Variants in MBD5 observed in about 807,000 individuals in gnomAD.
MBD5 encodes methyl-CpG-binding domain protein 5.
Under a neutral mutation model 117.3 loss-of-function variants are expected in MBD5, and 13 were observed. That is an observed-to-expected ratio of 0.11 (90% CI 0.07 to 0.18). The LOEUF is 0.18. MBD5 is among the 10% of genes least tolerant of loss of function. The probability of loss-of-function intolerance (pLI) is 1.00; values close to 1 mark genes in which losing one functional copy is unlikely to be tolerated. For missense variants in MBD5, 1,879 were observed against 2,093.8 expected, an observed-to-expected ratio of 0.90 and a Z score of 2.00; for synonymous variants, 727 against 766.4, an observed-to-expected ratio of 0.95 and a Z score of 0.85.
intron 4 of MBD5, among the ~76,000 whole-genome samples, chr2:148,396,824 C>A (rs1704729900): frequency 6.6e-6 from 1 of 152,080 alleles, no homozygotes; most frequent in South Asian, 2.1e-4. Flanking sequence ...CAGGAAGTGC[C>A]CTTTTCTGAC....
At chr2:148,272,535 T>C (rs1321918212) in intron 3 of MBD5, among the ~76,000 whole-genome samples, 1 of 152,214 alleles carries the variant, frequency 6.6e-6, no homozygotes, top group Non-Finnish European at 1.5e-5. Flanking sequence ...CGATGATTAG[T>C]GATGTTGAGC....
chr2:148,475,391 G>T (rs1218345239), intron 8 of MBD5, among the ~76,000 whole-genome samples: 1 of 151,874 alleles, frequency 6.6e-6, no homozygotes, highest in Admixed American at 6.6e-5. Flanking sequence ...GTTTAAGAAG[G>T]TCTCCTAATA....
At chr2:148,473,516 T>C (rs896111262) in intron 8 of MBD5, among the ~76,000 whole-genome samples, 10 of 152,144 alleles carry the variant, frequency 6.6e-5, no homozygotes, top group African/African-American at 2.2e-4. Flanking sequence ...TTTCCACTCT[T>C]CTAAGTAAAA....
chr2:148,180,560 T>A (rs1031563502), intron 2 of MBD5, among the ~76,000 whole-genome samples: 2 of 151,784 alleles, frequency 1.3e-5, no homozygotes, highest in African/African-American at 4.8e-5. Context: ...AGGCAGGGTC[T>A]TATTCTGTTG....
intron 2 of MBD5, among the ~76,000 whole-genome samples, chr2:148,188,682 CAAAA>C (rs34805724): frequency 4.2e-4 from 44 of 104,732 alleles, no homozygotes; most frequent in East Asian, 1.2e-3. Flanking sequence ...GACCCTGTCT[CAAAA>C]AAAAAAAAAA....
At chr2:148,503,112 T>G (rs913338103) in intron 12 of MBD5, 1 of 159,124 alleles carries the variant, frequency 6.3e-6, no homozygotes, top group African/African-American at 2.4e-5. Context: ...GTTTTTACTG[T>G]GATACAATGT....
intron 3 of MBD5, among the ~76,000 whole-genome samples, chr2:148,261,477 T>C (rs1438297808): frequency 6.6e-6 from 1 of 152,210 alleles, no homozygotes; most frequent in African/African-American, 2.4e-5. Context: ...CTTGCGTTAC[T>C]AGGGTCATAC....
chr2:148,347,231 T>G (rs1703144399), intron 4 of MBD5: 1 of 151,956 alleles, frequency 6.6e-6, no homozygotes, highest in African/African-American at 2.4e-5. Context: ...AAAAATTAAC[T>G]GGGCATGGTG....
chr2:148,197,611 A>G (rs549702846), intron 2 of MBD5, among the ~76,000 whole-genome samples: 1 of 152,198 alleles, frequency 6.6e-6, no homozygotes, highest in South Asian at 2.1e-4. Flanking sequence ...ACCCTTCTCC[A>G]TATTCATTAT....
chr2:148,421,372 A>G (rs1210763563), intron 4 of MBD5, among the ~76,000 whole-genome samples: 1 of 152,120 alleles, frequency 6.6e-6, no homozygotes, highest in African/African-American at 2.4e-5. Flanking sequence ...GGGCTGTGCC[A>G]TGAGGAACAG....
intron 11 of MBD5, among the ~76,000 whole-genome samples, chr2:148,501,717 A>G (rs1681877501): frequency 1.3e-5 from 2 of 152,148 alleles, no homozygotes; most frequent in Non-Finnish European, 1.5e-5. Context: ...CTCTGTTGAC[A>G]TAGCTGACCA....
chr2:148,379,592 A>C (rs1438979690), intron 4 of MBD5, among the ~76,000 whole-genome samples: 1 of 152,174 alleles, frequency 6.6e-6, no homozygotes, highest in African/African-American at 2.4e-5. Context: ...GAGTGAAAAA[A>C]TTGGCAAATG....
At chr2:148,112,391 T>G (rs1696522578) in intron 1 of MBD5, among the ~76,000 whole-genome samples, 1 of 152,210 alleles carries the variant, frequency 6.6e-6, no homozygotes, top group Admixed American at 6.5e-5. Flanking sequence ...GTTCTGTTCT[T>G]CTCTATAAAA....
chr2:148,411,663 GTC>G (rs1160380098), intron 4 of MBD5, among the ~76,000 whole-genome samples: 1 of 151,778 alleles, frequency 6.6e-6, no homozygotes, highest in East Asian at 1.9e-4. Flanking sequence ...TTTGCAAAAT[GTC>G]TCTTAATGTC....
chr2:148,336,127 C>G (rs1702780784), intron 3 of MBD5, among the ~76,000 whole-genome samples: 1 of 152,182 alleles, frequency 6.6e-6, no homozygotes, highest in African/African-American at 2.4e-5. Context: ...TTTTCTCACA[C>G]CTATGTCATT....
At chr2:148,023,446 T>A (rs1693820485) in intron 1 of MBD5, among the ~76,000 whole-genome samples, 1 of 152,174 alleles carries the variant, frequency 6.6e-6, no homozygotes, top group Non-Finnish European at 1.5e-5. Flanking sequence ...CAGTAAACAA[T>A]ATGATCTTAT....
Position 148,027,691 on chromosome 2 carries a change from T to G in MBD5, c.-925+6007T>G, listed in dbSNP as rs185488979. 3.0e-4 allele frequency: 45 copies of G among 152,224 alleles called. No homozygotes were observed. In the East Asian group the frequency reaches 8.7e-3, roughly 29 times the overall value. 9.4% of individuals were successfully genotyped at this position (152,224 alleles called of 1,614,324 possible). On this transcript the variant is annotated intron_variant, in intron 1 of 13. Coordinates refer to ENST00000642680, the MANE Select transcript of MBD5 (RefSeq NM_001378120.1). ...GTAAAAATCCAAAATTCTAAATACT[T>G]CTGGTCCACAAAACCTTTTGAATAA...
At chr2:148,351,957 CCT>C (rs1703261033) in intron 4 of MBD5, among the ~76,000 whole-genome samples, 1 of 151,604 alleles carries the variant, frequency 6.6e-6, no homozygotes, top group African/African-American at 2.4e-5. Flanking sequence ...CCCTTTGTAC[CCT>C]GTCTGGCTTC....
intron 4 of MBD5, among the ~76,000 whole-genome samples, chr2:148,403,989 C>A (rs1392685457): frequency 6.6e-6 from 1 of 151,622 alleles, no homozygotes; most frequent in Non-Finnish European, 1.5e-5. Flanking sequence ...AGTATATAAA[C>A]TTTGGGTATT....
Sources: allele counts gnomAD v4.1 joint callset (sites outside exome capture counted in the v4.1 genomes callset), GRCh38; gene constraint gnomAD v4.1.1; transcripts MANE v1.5; gene names NCBI Gene and HGNC (gene_info 2026-07-23, HGNC 2026-07-21).